The following SEPTIN14 variants were observed in gnomAD, a reference collection of about 807,000 sequenced individuals.
SEPTIN14 encodes septin 14, also known as septin-14.
SEPTIN14 carries 40 observed loss-of-function variants against 53.6 expected under a neutral mutation model. The ratio of observed to expected loss-of-function variants is 0.75; its 90% confidence interval spans 0.58 to 0.97. The LOEUF (loss-of-function observed/expected upper bound fraction) is 0.97. SEPTIN14 is among the 50% of genes least tolerant of loss of function. The pLI, the probability that SEPTIN14 is intolerant of heterozygous loss-of-function variation, is 0.00. For synonymous variants in SEPTIN14, 138 were observed against 166.8 expected (o/e 0.83, Z 1.33); for missense variants, 471 against 508.2 (o/e 0.93, Z 0.70).
chr7:55,857,430 A>G (rs565259308), intron 2 of SEPTIN14, among the ~76,000 whole-genome samples: 60 of 139,224 alleles, frequency 4.3e-4, no homozygotes, highest in African/African-American at 1.5e-3. Flanking sequence ...GAGAGAGAAG[A>G]GAAGAGAGAA....
intron 3 of SEPTIN14, among the ~76,000 whole-genome samples, chr7:55,845,219 T>C (rs998516404): frequency 6.6e-6 from 1 of 152,180 alleles, no homozygotes. Context: ...TGCAGGAACA[T>C]GGATGGAGCT....
chr7:55,841,248 T>C (rs1584267972), intron 5 of SEPTIN14, among the ~76,000 whole-genome samples: 2 of 152,182 alleles, frequency 1.3e-5, no homozygotes, highest in African/African-American at 4.8e-5. Flanking sequence ...ATTCAGGGGA[T>C]ATATGTGCAG....
At chr7:55,850,870 A>T (rs952661593) in intron 2 of SEPTIN14, 1 of 152,134 alleles carries the variant, frequency 6.6e-6, no homozygotes, top group Non-Finnish European at 1.5e-5. Flanking sequence ...CAGGAGTTCA[A>T]GACCAGTCTG....
chr7:55,858,303 A>G (rs913104629), intron 2 of SEPTIN14, among the ~76,000 whole-genome samples: 7 of 152,240 alleles, frequency 4.6e-5, no homozygotes, highest in African/African-American at 1.7e-4. Flanking sequence ...TGGCAATCAA[A>G]TAAAAAAGTA....
intron 4 of SEPTIN14, among the ~76,000 whole-genome samples, 186 bp from the exon 5 acceptor site, chr7:55,843,314 G>A (rs1338656777): frequency 2.0e-5 from 3 of 152,098 alleles, no homozygotes; most frequent in Admixed American, 6.6e-5. Flanking sequence ...TTACTCTATG[G>A]TTATGTAAAA....
intron 5 of SEPTIN14, among the ~76,000 whole-genome samples, chr7:55,841,358 T>C (rs953040354): frequency 3.3e-5 from 5 of 152,192 alleles, no homozygotes; most frequent in Non-Finnish European, 7.3e-5. Flanking sequence ...ATTTTTCAAA[T>C]CTCAACCTCC....
Position 55,796,031 on chromosome 7 carries a change from T to G in SEPTIN14, c.1181A>C (p.Glu394Ala). Residue 394 changes from glutamate (E) to alanine (A), a missense_variant, in exon 10 of 10, where the codon GAA (glutamate) becomes GCA (alanine). By Grantham distance (107) the Glu-to-Ala change is moderately radical. Coordinates refer to ENST00000388975, the MANE Select transcript of SEPTIN14 (RefSeq NM_207366.3). The part of the protein sequence containing the change: ...IQQEEIRKLE[E>A]EKKQLEGEII... ...TTCTCCTTCCAGTTGTTTTTTCTCT[T>G]CCTCGAGCTTCCTTATCTCCTCCTG... 1 of 1,517,598 alleles carries G rather than the reference T, an allele frequency of 6.6e-7. No individual in the cohort carries two copies. The highest frequency in any genetic ancestry group is 2.3e-4 in the Middle Eastern group (1 of 4,280). 94.0% of individuals were successfully genotyped at this position (1,517,598 alleles called of 1,614,324 possible). A position where few individuals can be genotyped will look rare whatever the true frequency, so the allele number is the denominator to read the frequency against.
intron 2 of SEPTIN14, among the ~76,000 whole-genome samples, chr7:55,856,674 T>C (rs1304134977): frequency 6.6e-6 from 1 of 152,102 alleles, no homozygotes; most frequent in Non-Finnish European, 1.5e-5. Context: ...GTTACAGGCA[T>C]GAGCCACCGC....
intron 3 of SEPTIN14, among the ~76,000 whole-genome samples, chr7:55,845,475 A>G (rs1789386822): frequency 6.6e-6 from 1 of 152,184 alleles, no homozygotes; most frequent in African/African-American, 2.4e-5. Flanking sequence ...ATAAGTTTTG[A>G]GATCTATTGC....
chr7:55,851,952 C>T (rs1789523278), intron 2 of SEPTIN14, among the ~76,000 whole-genome samples: 2 of 151,990 alleles, frequency 1.3e-5, no homozygotes, highest in Non-Finnish European at 2.9e-5. Flanking sequence ...ACCATCCTGG[C>T]TAACACAGTG....
intron 2 of SEPTIN14, among the ~76,000 whole-genome samples, chr7:55,859,565 TA>T (rs1215100189): frequency 1.3e-5 from 2 of 152,326 alleles, no homozygotes; most frequent in South Asian, 2.1e-4. Flanking sequence ...AGTATTTTTT[TA>T]ATAGCTAAGA....
Position 55,844,529 on chromosome 7 carries a change from T to C in SEPTIN14, c.365A>G (p.Glu122Gly). ...TAAATAAGAAAACACTCACCTGGCTTCTTTGTCTATTTGATCACCATACCC... is the reference window on the plus strand; with the variant it reads ...TAAATAAGAAAACACTCACCTGGCTCCTTTGTCTATTTGATCACCATACCC... ...TVGYGDQIDK[E>G]ASYQPIVDYI... The change falls in exon 4 of 10, where the codon GAA (glutamate) becomes GGA (glycine). Residue 122 changes from glutamate (E) to glycine (G), a missense_variant. Coordinates refer to ENST00000388975, the MANE Select transcript of SEPTIN14 (RefSeq NM_207366.3). 2 of 1,474,488 alleles carry C rather than the reference T, an allele frequency of 1.4e-6. No individual in the cohort carries two copies. Among genetic ancestry groups the C allele is most frequent in the African/African-American group, 2.8e-5 (2 of 71,882 alleles). 91.3% of individuals were successfully genotyped at this position (1,474,488 alleles called of 1,614,324 possible). A position where few individuals can be genotyped will look rare whatever the true frequency, so the allele number is the denominator to read the frequency against.
rs368238357 is a variant in SEPTIN14, at chr7:55,844,670, G to C, written c.224C>G (p.Thr75Ser). 2.1e-5 allele frequency: 34 copies of C among 1,609,736 alleles called. No individual in the cohort carries two copies. In the African/African-American group the frequency reaches 4.1e-4, roughly 20 times the overall value. The change falls in exon 4 of 10, where the codon ACT (threonine) becomes AGT (serine). Residue 75 changes from threonine to serine, a missense_variant. By Grantham distance (58) the Thr-to-Ser change is moderately conservative. Coordinates refer to ENST00000388975, the MANE Select transcript of SEPTIN14 (RefSeq NM_207366.3). Reference protein sequence around the residue: ...KSTLIDTLFNTNLKDNKSSHF... With the variant: ...KSTLIDTLFNSNLKDNKSSHF... Reference sequence around the variant, plus strand: ...TGAGGATTTGTTATCTTTCAAGTTAGTATTAAACAATGTGTCTATCAGTGT... The same window carrying C: ...TGAGGATTTGTTATCTTTCAAGTTACTATTAAACAATGTGTCTATCAGTGT...
intron 6 of SEPTIN14, among the ~76,000 whole-genome samples, chr7:55,829,422 T>C (rs78093557): frequency 0.023 from 3,396 of 147,570 alleles, 133 homozygotes; most frequent in African/African-American, 0.08. Context: ...ATTGATATGG[T>C]GCTAGCTAGA....
intron 6 of SEPTIN14, among the ~76,000 whole-genome samples, chr7:55,822,587 A>G (rs971755883): frequency 6.6e-6 from 1 of 152,050 alleles, no homozygotes; most frequent in Non-Finnish European, 1.5e-5. Flanking sequence ...GAGCCCAGAA[A>G]TATGCCTACA....
At chr7:55,858,966 G>C (rs540524286) in intron 2 of SEPTIN14, among the ~76,000 whole-genome samples, 8 of 151,920 alleles carry the variant, frequency 5.3e-5, no homozygotes, top group Middle Eastern at 3.2e-3. Flanking sequence ...AGTTTCTATG[G>C]TTCTACATAA....
chr7:55,828,191 G>C (rs1046649765), intron 6 of SEPTIN14, among the ~76,000 whole-genome samples: 1 of 149,058 alleles, frequency 6.7e-6, no homozygotes, highest in African/African-American at 2.5e-5. Context: ...TCAACACAAA[G>C]ATACCAGAAC....
chr7:55,818,763 C>T (rs1233437072), intron 7 of SEPTIN14, among the ~76,000 whole-genome samples: 1 of 152,148 alleles, frequency 6.6e-6, no homozygotes, highest in Non-Finnish European at 1.5e-5. Flanking sequence ...CATGTCTACA[C>T]ACTAGTATTT....
intron 2 of SEPTIN14, among the ~76,000 whole-genome samples, chr7:55,855,338 T>C (rs1789601486): frequency 6.8e-6 from 1 of 147,016 alleles, no homozygotes; most frequent in South Asian, 2.2e-4. Context: ...CTCATCCTAG[T>C]ACTGACGTTT....
Sources: gnomAD v4.1 joint callset for allele counts (sites outside exome capture counted in the v4.1 genomes callset) on GRCh38, gnomAD v4.1.1 for gene constraint, MANE v1.5 for transcripts, NCBI Gene and HGNC (gene_info 2026-07-23, HGNC 2026-07-21) for gene names.